SUGCT: variants seen among roughly 807,000 people sequenced by gnomAD.
SUGCT encodes the protein succinyl-CoA:glutarate-CoA transferase, also known as succinyl-CoA:glutarate CoA-transferase.
In SUGCT, 41 loss-of-function variants were observed where a neutral mutation model predicts 55.0. The observed-to-expected ratio is 0.74, with a 90% CI of 0.58 to 0.97. The LOEUF is 0.97. Ranked by LOEUF, SUGCT falls within the 50% of genes least tolerant of loss-of-function variation. The pLI is 0.00. For missense variants in SUGCT, 568 were observed against 547.8 expected, an observed-to-expected ratio of 1.04 and a Z score of -0.37; for synonymous variants, 187 against 200.4, an observed-to-expected ratio of 0.93 and a Z score of 0.56.
chr7:40,176,922 A>C (rs369506460), intron 1 of SUGCT, among the ~76,000 whole-genome samples: 86 of 142,986 alleles, frequency 6.0e-4, no homozygotes, highest in Middle Eastern at 4.3e-3. Flanking sequence ...GCAGTGAGCC[A>C]AGATCGCAAG....
the SUGCT span, among the ~76,000 whole-genome samples, chr7:40,915,248 A>G: frequency 2.7e-4 from 41 of 152,256 alleles, no homozygotes; most frequent in African/African-American, 9.1e-4. Context: ...TCACTAAGGG[A>G]AAGACTTCAG....
chr7:41,023,407 C>T, the SUGCT span, among the ~76,000 whole-genome samples: 1 of 151,878 alleles, frequency 6.6e-6, no homozygotes, highest in African/African-American at 2.4e-5. Context: ...AAAAAACATA[C>T]ATTAATATTA....
chr7:40,704,410 A>G (rs969292316), intron 12 of SUGCT, among the ~76,000 whole-genome samples: 3 of 152,158 alleles, frequency 2.0e-5, no homozygotes, highest in East Asian at 1.9e-4. Flanking sequence ...CAAGTGGACA[A>G]TAAGACCCAT....
At chr7:40,254,867 AG>A (rs1790696495) in intron 7 of SUGCT, among the ~76,000 whole-genome samples, 1 of 151,938 alleles carries the variant, frequency 6.6e-6, no homozygotes, top group Non-Finnish European at 1.5e-5. Flanking sequence ...ATGATCCTTT[AG>A]TTTTTATGTG....
the SUGCT span, among the ~76,000 whole-genome samples, chr7:40,893,165 C>T: frequency 6.6e-6 from 1 of 151,902 alleles, no homozygotes; most frequent in Non-Finnish European, 1.5e-5. Flanking sequence ...ACATCAGGGT[C>T]CCTAAATATA....
chr7:40,953,636 G>A, the SUGCT span, among the ~76,000 whole-genome samples: 2 of 151,616 alleles, frequency 1.3e-5, no homozygotes, highest in African/African-American at 4.9e-5. Flanking sequence ...TTTTGGTGTG[G>A]ATGTCCTTTC....
At chr7:40,499,083 A>T in intron 12 of SUGCT, 1 of 456,642 alleles carries the variant, frequency 2.2e-6, no homozygotes, top group South Asian at 1.5e-5. Context: ...GGAAACGGCC[A>T]CTTCTGTTCA....
intron 12 of SUGCT, among the ~76,000 whole-genome samples, chr7:40,550,078 G>A (rs1261221032): frequency 1.3e-5 from 2 of 152,150 alleles, no homozygotes; most frequent in African/African-American, 2.4e-5. Flanking sequence ...CAGTGGTTTA[G>A]GATATCAACA....
intron 13 of SUGCT, among the ~76,000 whole-genome samples, chr7:40,848,127 T>G (rs535650002): frequency 6.6e-6 from 1 of 152,024 alleles, no homozygotes; most frequent in African/African-American, 2.4e-5. Flanking sequence ...GATTACAAGC[T>G]TATCTTTCCA....
chr7:40,871,343 G>A, the SUGCT span, among the ~76,000 whole-genome samples: 30 of 152,228 alleles, frequency 2.0e-4, no homozygotes, highest in African/African-American at 6.7e-4. Context: ...CTCTGAAGAA[G>A]CCCAAGCTAG....
the SUGCT span, among the ~76,000 whole-genome samples, chr7:40,909,153 G>C: frequency 6.6e-6 from 1 of 152,162 alleles, no homozygotes; most frequent in South Asian, 2.1e-4. Context: ...GACCCAATCT[G>C]TTGTGGCAGA....
intron 12 of SUGCT, among the ~76,000 whole-genome samples, chr7:40,653,345 T>A (rs1394818346): frequency 1.3e-5 from 2 of 152,226 alleles, no homozygotes; most frequent in Non-Finnish European, 2.9e-5. Flanking sequence ...GTTCTTTTCT[T>A]TAGTTCTTCT....
chr7:40,340,097 T>C (rs1796964135), intron 9 of SUGCT, among the ~76,000 whole-genome samples: 1 of 152,182 alleles, frequency 6.6e-6, no homozygotes. Flanking sequence ...CAACTCAATA[T>C]GGTAAGGATA....
chr7:40,724,562 A>G (rs1038630550), intron 12 of SUGCT, among the ~76,000 whole-genome samples: 4 of 145,316 alleles, frequency 2.8e-5, no homozygotes, highest in African/African-American at 7.6e-5. Flanking sequence ...ACTCCATCTC[A>G]AAAAAAAAAA....
At chr7:40,239,760 A>G (rs1426949339) in intron 7 of SUGCT, among the ~76,000 whole-genome samples, 2 of 152,226 alleles carry the variant, frequency 1.3e-5, no homozygotes, top group African/African-American at 4.8e-5. Context: ...AGGTGAGCAA[A>G]TAACATTTAT....
chr7:40,476,738 A>G (rs1790705655), intron 11 of SUGCT, among the ~76,000 whole-genome samples: 1 of 151,806 alleles, frequency 6.6e-6, no homozygotes, highest in Non-Finnish European at 1.5e-5. Context: ...ATATTATTAT[A>G]TTGAATATTA....
intron 9 of SUGCT, among the ~76,000 whole-genome samples, chr7:40,320,856 G>A (rs1795688718): frequency 1.3e-5 from 2 of 152,262 alleles, no homozygotes; most frequent in East Asian, 3.9e-4. Context: ...TTATGTAGTG[G>A]TGAAGCCTGG....
the SUGCT span, among the ~76,000 whole-genome samples, chr7:41,014,252 C>T: frequency 1.6e-4 from 24 of 152,148 alleles, no homozygotes; most frequent in East Asian, 3.9e-3. Context: ...TGTATATATG[C>T]GTGTATGTGT....
chr7:40,647,523 C>G (rs1482334390), intron 12 of SUGCT, among the ~76,000 whole-genome samples: 4 of 152,054 alleles, frequency 2.6e-5, no homozygotes, highest in African/African-American at 9.7e-5. Context: ...ATCATATATC[C>G]AGCTTTAATG....
Sources: allele counts gnomAD v4.1 joint callset (sites outside exome capture counted in the v4.1 genomes callset), GRCh38; gene constraint gnomAD v4.1.1; transcripts MANE v1.5; gene names NCBI Gene and HGNC (gene_info 2026-07-23, HGNC 2026-07-21).